Variants in ASMTL observed in about 807,000 individuals in gnomAD.
The protein encoded by ASMTL is probable bifunctional dTTP/UTP pyrophosphatase/methyltransferase protein.
A neutral mutation model predicts 60.3 loss-of-function variants in ASMTL; 57 were observed. The observed-to-expected ratio is 0.95, with a 90% confidence interval of 0.76 to 1.18. The LOEUF is 1.18. ASMTL is among the 50% of genes most tolerant of loss of function. The probability of loss-of-function intolerance (pLI) is 0.00; values close to 1 mark genes in which losing one functional copy is unlikely to be tolerated. For synonymous variants in ASMTL, 419 were observed against 373.0 expected (o/e 1.12, Z -1.42); for missense variants, 981 against 852.6 (o/e 1.15, Z -1.88).
intron 12 of ASMTL, among the ~76,000 whole-genome samples, chrX:1,411,042 G>A (rs1461205633): frequency 6.6e-5 from 10 of 151,806 alleles, no homozygotes; most frequent in South Asian, 6.2e-4. Flanking sequence ...AAAATTAGCC[G>A]GGCGTGGTGG....
Position 1,419,030 on chromosome X carries a change from C to T in ASMTL, c.1330G>A (p.Ala444Thr), listed in dbSNP as rs780365064. The T allele has an allele frequency of 1.2e-6, 2 of 1,611,662 alleles. No individual in the cohort carries two copies. The highest frequency in any genetic ancestry group is 1.1e-5 in the South Asian group (1 of 90,932). ...GMTKLTACQV[A>T]TAFNLSRFSS... ...AAGCGGGACAGATTGAAGGCCGTGG[C>T]CACCTGGCACGCAGTCAGCTTCGTC... The change falls in exon 10 of 13, where the codon GCC (alanine) becomes ACC (threonine). Residue 444 changes from alanine to threonine, a missense_variant. By Grantham distance (58) the Ala-to-Thr change is moderately conservative. Transcript: ENST00000381317.
chrX:1,405,354 CATGGATGAG>C (rs1205021966), intron 12 of ASMTL, among the ~76,000 whole-genome samples: 3 of 145,456 alleles, frequency 2.1e-5, no homozygotes, highest in Admixed American at 6.9e-5. Flanking sequence ...TAGATGGAGG[CATGGATGAG>C]ATGGATGGAT....
In ASMTL at chrX:1,407,733, A is replaced by T. The variant is rs191729682; in HGVS notation, c.1646-4244T>A. 3.3e-3 allele frequency among the ~76,000 whole-genome samples: 508 copies of T among 151,852 alleles called. 12 individuals carry two copies. The highest frequency in any genetic ancestry group is 0.023 in the Admixed American group (349 of 15,244). On this transcript the variant is annotated intron_variant, in intron 12 of 12. Coordinates refer to ENST00000381317, the MANE Select transcript of ASMTL (RefSeq NM_004192.4). ...ACCCTGTCTCTATTTTATTTTTTTT[A>T]AAAAAGGATGATAGATGTATAAAGA...
intron 9 of ASMTL, 44 bp from the exon 10 acceptor site, chrX:1,419,158 G>T (rs761898696): frequency 6.2e-7 from 1 of 1,600,920 alleles, no homozygotes; most frequent in Non-Finnish European, 8.5e-7. Context: ...AACACGGGGC[G>T]AGGGCTCGCC....
intron 11 of ASMTL, among the ~76,000 whole-genome samples, chrX:1,415,976 TACACACATGG>T (rs1253919343): frequency 6.7e-6 from 1 of 149,814 alleles, no homozygotes; most frequent in African/African-American, 2.5e-5. Context: ...CACTGACAGG[TACACACATGG>T]ACACACAGAT....
chrX:1,421,703 G>T lies in ASMTL; in HGVS notation c.1200C>A (p.Asn400Lys), dbSNP rs750880241. 6.2e-7 allele frequency: 1 copy of T among 1,613,950 alleles called. No homozygotes were observed. Among genetic ancestry groups the T allele is most frequent in the Non-Finnish European group, 8.5e-7 (1 of 1,179,850 alleles). The change falls in exon 9 of 13, where the codon AAC (asparagine) becomes AAA (lysine). Residue 400 changes from asparagine to lysine, a missense_variant. Transcript: ENST00000381317. ...YLEFAIREGT[N>K]QHHRALGKKA... ...TCTTCCCCAACGCCCTGTGGTGCTG[G>T]TTTGTTCCCTCTCGGATGGCAAACT...
chrX:1,417,624 C>G lies in ASMTL; in HGVS notation c.1522+349G>C, dbSNP rs752434603. On this transcript the variant is annotated intron_variant, in intron 11 of 12. Transcript: ENST00000381317. ...GCACACAGATGCAGACACACACACA[C>G]AGACATGCACACATATACCCACACA... Among the ~76,000 whole-genome samples the G allele has an allele frequency of 1.6e-4, 24 of 151,986 alleles. No homozygotes were observed. In the East Asian group the frequency reaches 4.1e-3, roughly 26 times the overall value.
intron 1 of ASMTL, among the ~76,000 whole-genome samples, chrX:1,443,639 GACACCGCCATCATGGACAC>G (rs2091170118): frequency 3.8e-4 from 1 of 2,608 alleles, no homozygotes; most frequent in African/African-American, 5.1e-4. Flanking sequence ...ATCGTGGACA[GACACCGCCATCATGGACAC>G]ACACCGCCAT....
At chrX:1,439,179 G>C (rs28674639) in intron 2 of ASMTL, 35 bp from the exon 3 acceptor site, 1 of 1,610,928 alleles carries the variant, frequency 6.2e-7, no homozygotes, top group Non-Finnish European at 8.5e-7. Flanking sequence ...TACCGGTGAC[G>C]TGCCGTGGGT....
At chrX:1,437,706 G>T (rs1417073138) in intron 3 of ASMTL, among the ~76,000 whole-genome samples, 15 of 151,644 alleles carry the variant, frequency 9.9e-5, no homozygotes, top group African/African-American at 3.6e-4. Flanking sequence ...GACCATCCTG[G>T]CCAACATGGT....
chrX:1,447,384 G>A (rs1480625909), intron 1 of ASMTL, among the ~76,000 whole-genome samples: 1 of 151,624 alleles, frequency 6.6e-6, no homozygotes, highest in Non-Finnish European at 1.5e-5. Context: ...GGCCATCTTG[G>A]AGAAGCACCA....
rs1480874583 is a variant in ASMTL, at chrX:1,437,922, C to T, written c.273+1175G>A. On this transcript the variant is annotated intron_variant, in intron 3 of 12. Transcript: ENST00000381317. ...AAAAAAAAAAAAAGGAGAAATGGGTCTTTGCCTAGGTAATTAAGATGCGGT... is the reference window on the plus strand; with the variant it reads ...AAAAAAAAAAAAAGGAGAAATGGGTTTTTGCCTAGGTAATTAAGATGCGGT... 2.7e-5 allele frequency among the ~76,000 whole-genome samples: 4 copies of T among 147,822 alleles called. 1 individual carries two copies. In the East Asian group the frequency reaches 8.1e-4, roughly 30 times the overall value.
chrX:1,431,436 CTATTA>C (rs1312352271), intron 6 of ASMTL, among the ~76,000 whole-genome samples: 2 of 135,170 alleles, frequency 1.5e-5, no homozygotes, highest in Non-Finnish European at 3.0e-5. Flanking sequence ...ATCATATAAT[CTATTA>C]TAACAGTATA....
chrX:1,421,626 A>T, intron 9 of ASMTL, 32 bp downstream of exon 9: 1 of 1,612,880 alleles, frequency 6.2e-7, no homozygotes, highest in Admixed American at 1.7e-5. Context: ...TGCACGCTAG[A>T]CGGAAAGGTG....
At chrX:1,447,312 A>G (rs1337616443) in intron 1 of ASMTL, among the ~76,000 whole-genome samples, 1 of 152,220 alleles carries the variant, frequency 6.6e-6, no homozygotes, top group East Asian at 1.9e-4. Flanking sequence ...ACCATCTTGG[A>G]CACACACCGC....
intron 3 of ASMTL, among the ~76,000 whole-genome samples, chrX:1,438,022 C>T (rs1290336807): frequency 4.6e-5 from 7 of 152,032 alleles, no homozygotes; most frequent in Non-Finnish European, 1.0e-4. Flanking sequence ...GGCGCGGTGG[C>T]TCACGCCTGT....
At chrX:1,433,042 G>C (rs2090850655) in intron 5 of ASMTL, among the ~76,000 whole-genome samples, 1 of 152,118 alleles carries the variant, frequency 6.6e-6, no homozygotes, top group Non-Finnish European at 1.5e-5. Flanking sequence ...AGGTTGCAGT[G>C]AGCCAAGATC....
At chrX:1,419,477 C>T (rs1464348972) in intron 9 of ASMTL, among the ~76,000 whole-genome samples, 1 of 152,146 alleles carries the variant, frequency 6.6e-6, no homozygotes, top group Non-Finnish European at 1.5e-5. Context: ...GGAGAGAAGC[C>T]ACAATGTCTC....
chrX:1,412,928 G>A lies in ASMTL; in HGVS notation c.1523-74C>T, dbSNP rs188063741. ...GTCCTCCCCGGACAGATCCTGGGAC[G>A]GCCACCCGCATCCTAAATCAGGGAC... On this transcript the variant is annotated intron_variant, in intron 11 of 12. Coordinates refer to ENST00000381317, the MANE Select transcript of ASMTL (RefSeq NM_004192.4). 3.5e-3 allele frequency: 5,371 copies of A among 1,544,800 alleles called. 22 individuals carry two copies. The highest frequency in any genetic ancestry group is 4.4e-3 in the Non-Finnish European group (4,923 of 1,119,730).
Sources: allele counts gnomAD v4.1 joint callset (sites outside exome capture counted in the v4.1 genomes callset), GRCh38; gene constraint gnomAD v4.1.1; transcripts MANE v1.5; gene names NCBI Gene and HGNC (gene_info 2026-07-23, HGNC 2026-07-21).